TRRAP: variants seen among roughly 807,000 people sequenced by gnomAD.
TRRAP encodes the protein transformation/transcription domain-associated protein.
Under a neutral mutation model 438.8 loss-of-function variants are expected in TRRAP, and 41 were observed. The ratio of observed to expected loss-of-function variants is 0.09; its 90% CI spans 0.07 to 0.12. The LOEUF is 0.12. TRRAP is among the 10% of genes least tolerant of loss of function. TRRAP has a pLI of 1.00. For missense variants in TRRAP, 3,122 were observed against 5,055.1 expected (o/e 0.62, Z 11.60); for synonymous variants, 1,994 against 1,962.9 (o/e 1.02, Z -0.42).
intron 62 of TRRAP, among the ~76,000 whole-genome samples, chr7:98,988,388 G>A (rs776388928): frequency 1.3e-5 from 2 of 152,202 alleles, no homozygotes; most frequent in African/African-American, 2.4e-5. Context: ...TAAACAAAAT[G>A]TTTATGTTCT....
chr7:99,000,264 C>T (rs895872567), intron 67 of TRRAP, among the ~76,000 whole-genome samples: 5 of 152,184 alleles, frequency 3.3e-5, no homozygotes, highest in Non-Finnish European at 5.9e-5. Flanking sequence ...CCACTTCGAC[C>T]TCCCAAAGTG....
intron 3 of TRRAP, among the ~76,000 whole-genome samples, chr7:98,883,075 C>T (rs1478774945): frequency 6.6e-6 from 1 of 152,364 alleles, no homozygotes; most frequent in East Asian, 1.9e-4. Flanking sequence ...CATCTGTGAC[C>T]TTGATCAAGC....
Position 98,956,122 on chromosome 7 carries a change from G to A in TRRAP, c.5938-24G>A, listed in dbSNP as rs372137759. 2.0e-5 allele frequency: 32 copies of A among 1,602,192 alleles called. No homozygotes were observed. In the Middle Eastern group the frequency reaches 6.8e-4, roughly 34 times the overall value. Reference sequence around the variant, plus strand: ...TGGGACCAAGCTCCCATGTTCCGGCGTGATGCTGGCCCTGCGTCCGCAGGT... The same window carrying A: ...TGGGACCAAGCTCCCATGTTCCGGCATGATGCTGGCCCTGCGTCCGCAGGT... On this transcript the variant is annotated intron_variant, in intron 41 of 72. Transcript: ENST00000456197. The surrounding 1 kb of genome is among the most constrained non-coding windows in gnomAD (Gnocchi z 4.5).
At chr7:98,968,991 A>G (rs954396660) in intron 51 of TRRAP, among the ~76,000 whole-genome samples, 1 of 152,206 alleles carries the variant, frequency 6.6e-6, no homozygotes, top group African/African-American at 2.4e-5. Context: ...GGAAGGGCAC[A>G]AGCCAAGAGT....
intron 51 of TRRAP, 58 bp downstream of exon 51, chr7:98,967,756 G>T: frequency 1.3e-6 from 2 of 1,529,640 alleles, no homozygotes; most frequent in Non-Finnish European, 8.9e-7. Context: ...TCTGAGTTGG[G>T]GCTCCAAAGC....
At chr7:98,934,704 G>A (rs1440779018) in intron 27 of TRRAP, among the ~76,000 whole-genome samples, 1 of 152,178 alleles carries the variant, frequency 6.6e-6, no homozygotes, top group Non-Finnish European at 1.5e-5. Context: ...AGCTTCCCAG[G>A]TGATGCTGTG....
In TRRAP at chr7:98,976,302, T is replaced by C; in HGVS notation, c.7959+34T>C. ...ATCTTTAAAATCCTGTTTTGGAAAA[T>C]TGTAGTTTTAGCTTTTGGTAAGTAT... On this transcript the variant is annotated intron_variant, in intron 54 of 72. Transcript: ENST00000456197. The surrounding 1 kb of genome is among the most constrained non-coding windows in gnomAD (Gnocchi z 4.6). The C allele has an allele frequency of 6.2e-7, 1 of 1,610,710 alleles. No individual in the cohort carries two copies. Among genetic ancestry groups the C allele is most frequent in the Non-Finnish European group, 8.5e-7 (1 of 1,178,278 alleles).
At chr7:98,993,866 C>A in intron 66 of TRRAP, 129 bp downstream of exon 66, 1 of 901,360 alleles carries the variant, frequency 1.1e-6, no homozygotes, top group Non-Finnish European at 1.7e-6. Context: ...TGAACTTAAC[C>A]ATGGACCAGG....
Position 98,953,031 on chromosome 7 carries a change from TTGTGTGTGTGTGTGTGTGTGTG to T in TRRAP, c.5464-108_5464-87del, listed in dbSNP as rs57047314. ...CCTCCTTGTAAAACTTCATGTTACA[TTGTGTGTGTGTGTGTGTGTGTG>T]TGTGTGTGTGTGTGTGTGTGTGTGT... On this transcript the variant is annotated intron_variant, in intron 39 of 72. Coordinates refer to ENST00000456197, the MANE Select transcript of TRRAP (RefSeq NM_001375524.1). 1.1e-4 allele frequency: 130 copies of T among 1,170,160 alleles called. No homozygotes were observed. The African/African-American group carries it at 1.6e-3, about 15-fold the overall frequency. 72.5% of individuals were successfully genotyped at this position (1,170,160 alleles called of 1,614,324 possible).
At position 98,966,521 on chromosome 7, in the gene TRRAP, C is replaced by A. The variant is rs192018439; in HGVS notation, c.7177-520C>A. On this transcript the variant is annotated intron_variant, in intron 49 of 72. Transcript: ENST00000456197. ...CCAACATGGTGAAACCCCGTCTCTACTAAAAATACAAAAATTAGTCAGGTA... is the reference window on the plus strand; with the variant it reads ...CCAACATGGTGAAACCCCGTCTCTAATAAAAATACAAAAATTAGTCAGGTA... Among the ~76,000 whole-genome samples, 14 of 151,966 alleles carry A rather than the reference C, an allele frequency of 9.2e-5. 1 individual carries two copies. The highest frequency in any genetic ancestry group is 1.5e-4 in the Non-Finnish European group (10 of 68,006).
chr7:98,918,471 G>A (rs1584309839), intron 20 of TRRAP, among the ~76,000 whole-genome samples: 1 of 151,240 alleles, frequency 6.6e-6, no homozygotes, highest in South Asian at 2.1e-4. Context: ...CTCATGATCC[G>A]CCCACCTCAG....
chr7:98,956,173 G>A lies in TRRAP; in HGVS notation c.5965G>A (p.Val1989Met). The A allele has an allele frequency of 6.2e-7, 1 of 1,612,570 alleles. No homozygotes were observed. The highest frequency in any genetic ancestry group is 8.5e-7 in the Non-Finnish European group (1 of 1,179,948). The change falls in exon 42 of 73, where the codon GTG becomes ATG. Residue 1989 changes from valine (V) to methionine (M), a missense_variant. Physicochemically the swap from Val to Met is conservative, Grantham distance 21 (BLOSUM62 1). This residue lies in a region of TRRAP where 992 missense variants were observed against 1,281.2 expected (regional missense o/e 0.77). Coordinates refer to ENST00000456197, the MANE Select transcript of TRRAP (RefSeq NM_001375524.1). This position sits in a 1 kb window ranked among gnomAD's most constrained non-coding sequence, Gnocchi z 4.5. ...GTACTACCCGGTACGGCACCACTTG[G>A]TGCAGCACATGGTGAGCGCCATGCA... Reference protein sequence around the residue: ...KVYYPVRHHLVQHMVSAMQRL... With the variant: ...KVYYPVRHHLMQHMVSAMQRL...
chr7:98,994,514 A>T lies in TRRAP; in HGVS notation c.10048-73A>T. On this transcript the variant is annotated intron_variant, in intron 66 of 72. Transcript: ENST00000456197. The surrounding 1 kb of genome is among the most constrained non-coding windows in gnomAD (Gnocchi z 4.8). Reference sequence around the variant, plus strand: ...CCCTGGGCTGGGAGGGCCGCACTCAATAGGCGCTTTTGGCTGCTGGTTCTG... The same window carrying T: ...CCCTGGGCTGGGAGGGCCGCACTCATTAGGCGCTTTTGGCTGCTGGTTCTG... 1.3e-6 allele frequency: 2 copies of T among 1,596,110 alleles called. No homozygotes were observed. Among genetic ancestry groups the T allele is most frequent in the Non-Finnish European group, 1.7e-6 (2 of 1,170,910 alleles).
At chr7:98,957,177 A>T (rs782134441) in intron 43 of TRRAP, among the ~76,000 whole-genome samples, 7 of 152,140 alleles carry the variant, frequency 4.6e-5, no homozygotes, top group Admixed American at 4.6e-4. Context: ...CTCTGCCGCA[A>T]ATAACTCATC....
At chr7:98,967,229 A>G in intron 50 of TRRAP, 67 bp downstream of exon 50, 1 of 1,546,898 alleles carries the variant, frequency 6.5e-7, no homozygotes, top group Non-Finnish European at 8.7e-7. Context: ...CCAGCCAGCC[A>G]TGCAGCCATG....
At chr7:98,944,299 G>T (rs559371387) in intron 31 of TRRAP, among the ~76,000 whole-genome samples, 1 of 152,208 alleles carries the variant, frequency 6.6e-6, no homozygotes, top group African/African-American at 2.4e-5. Flanking sequence ...AACCTAGTGG[G>T]TAGATTCAAC....
intron 21 of TRRAP, 147 bp from the exon 22 acceptor site, chr7:98,924,965 A>T: frequency 2.8e-6 from 3 of 1,075,214 alleles, no homozygotes; most frequent in Non-Finnish European, 3.8e-6. Flanking sequence ...GATACGCGCC[A>T]CTGCACTCCA....
At chr7:98,943,082 GAC>G (rs1790879118) in intron 31 of TRRAP, 65 bp downstream of exon 31, 2 of 1,556,696 alleles carry the variant, frequency 1.3e-6, no homozygotes, top group East Asian at 4.5e-5. Flanking sequence ...CTAATGCCGG[GAC>G]AGTGCTTTCA....
At chr7:98,896,128 T>C (rs901107532) in intron 7 of TRRAP, among the ~76,000 whole-genome samples, 25 of 152,220 alleles carry the variant, frequency 1.6e-4, no homozygotes, top group African/African-American at 5.8e-4. Context: ...CATGGAGGTT[T>C]TGCTTTTGGT....
Sources: allele counts gnomAD v4.1 joint callset (sites outside exome capture counted in the v4.1 genomes callset), GRCh38; gene constraint gnomAD v4.1.1; regional missense constraint gnomAD v4.1.1; non-coding constraint Gnocchi (gnomAD v3.1); transcripts MANE v1.5; gene names NCBI Gene and HGNC (gene_info 2026-07-23, HGNC 2026-07-21).